PAN3: variants seen among roughly 807,000 people sequenced by gnomAD.
The protein encoded by PAN3 is poly(A) specific ribonuclease subunit PAN3, also known as PAN2-PAN3 deadenylation complex subunit PAN3.
In PAN3, 19 loss-of-function variants were observed where a neutral mutation model predicts 96.2. The ratio of observed to expected loss-of-function variants is 0.20; its 90% CI spans 0.14 to 0.29. The LOEUF (loss-of-function observed/expected upper bound fraction) is 0.29, where lower values mean the gene tolerates loss of function less well. PAN3 is among the 10% of genes least tolerant of loss of function. PAN3 has a pLI of 1.00. For missense variants in PAN3, 882 were observed against 1,108.1 expected (o/e 0.80, Z 2.90); for synonymous variants, 433 against 406.6 (o/e 1.06, Z -0.78).
At chr13:28,141,793 G>C (rs74331656) in intron 1 of PAN3, among the ~76,000 whole-genome samples, 3,871 of 152,170 alleles carry the variant, frequency 0.025, 149 homozygotes, top group African/African-American at 0.088. Flanking sequence ...ATAGGTAGAA[G>C]GGCTGAGACT....
At chr13:28,268,365 C>G (rs979763041) in intron 12 of PAN3, among the ~76,000 whole-genome samples, 1 of 151,938 alleles carries the variant, frequency 6.6e-6, no homozygotes, top group African/African-American at 2.4e-5. Context: ...TAAACAAATG[C>G]TTTTGTTTGA....
At chr13:28,229,683 A>T in intron 6 of PAN3, among the ~76,000 whole-genome samples, 1 of 152,306 alleles carries the variant, frequency 6.6e-6, no homozygotes. Context: ...TAATCTGGCA[A>T]GCTTACTTTG....
Position 28,197,512 on chromosome 13 carries a change from A to G in PAN3, c.852+166A>G, listed in dbSNP as rs141862414. ...AAGTTAGTGACCCTTAACCAACTAA[A>G]TGATTTTTTCTTGGTGGCTTTTTGA... On this transcript the variant is annotated intron_variant, in intron 5 of 18. Transcript: ENST00000380958. Among the ~76,000 whole-genome samples the G allele has an allele frequency of 3.2e-4, 48 of 152,222 alleles. No individual in the cohort carries two copies. The East Asian group carries it at 8.7e-3, about 28-fold the overall frequency.
At chr13:28,242,078 A>C (rs1221176915) in intron 6 of PAN3, among the ~76,000 whole-genome samples, 1 of 152,256 alleles carries the variant, frequency 6.6e-6, no homozygotes, top group Non-Finnish European at 1.5e-5. Flanking sequence ...ATACTAGAGT[A>C]ATGAGACTTT....
At chr13:28,205,648 G>C (rs1879253956) in intron 5 of PAN3, among the ~76,000 whole-genome samples, 1 of 151,958 alleles carries the variant, frequency 6.6e-6, no homozygotes. Flanking sequence ...AGACCAGCCT[G>C]GGCAACATAG....
intron 1 of PAN3, among the ~76,000 whole-genome samples, chr13:28,139,308 C>G (rs1225837664): frequency 2.2e-5 from 3 of 134,686 alleles, no homozygotes; most frequent in Non-Finnish European, 4.7e-5. Context: ...GGTTGGGTTC[C>G]CGGGAACGTG....
At chr13:28,196,175 G>T (rs1438424972) in intron 4 of PAN3, among the ~76,000 whole-genome samples, 1 of 151,740 alleles carries the variant, frequency 6.6e-6, no homozygotes, top group Non-Finnish European at 1.5e-5. Context: ...TTTTTTTGAA[G>T]AAACTTAATT....
Position 28,267,344 on chromosome 13 carries a change from A to T in PAN3, c.1735A>T (p.Met579Leu), listed in dbSNP as rs1286804012. 4 of 1,613,756 alleles carry T rather than the reference A, an allele frequency of 2.5e-6. No homozygotes were observed. Among genetic ancestry groups the T allele is most frequent in the Admixed American group, 1.7e-5 (1 of 59,980 alleles). Reference protein sequence around the residue: ...YDFHAGGETMMSRHFNDPNAD... With the variant: ...YDFHAGGETMLSRHFNDPNAD... ...TTTCCATGCTGGAGGAGAAACTATG[A>T]TGAGCAGACACTTTAATGACCCTAA... The change falls in exon 12 of 19, where the codon ATG (methionine) becomes TTG (leucine). Residue 579 changes from methionine (M) to leucine (L), a missense_variant. Physicochemically the swap from Met to Leu is conservative, Grantham distance 15. Coordinates refer to ENST00000380958, the MANE Select transcript of PAN3 (RefSeq NM_175854.8).
chr13:28,143,921 C>T (rs1442398480), intron 1 of PAN3, among the ~76,000 whole-genome samples: 2 of 152,140 alleles, frequency 1.3e-5, no homozygotes, highest in Non-Finnish European at 2.9e-5. Context: ...CTTTTCATCC[C>T]ACAAACCTAT....
rs1051028831 is a variant in PAN3, at chr13:28,261,404, C to A, written c.1357C>A (p.Leu453Met). The change falls in exon 9 of 19, where the codon CTG becomes ATG. Residue 453 changes from leucine to methionine, a missense_variant. By Grantham distance (15) the Leu-to-Met change is conservative. Transcript: ENST00000380958. Reference sequence around the variant, plus strand: ...ATATACTTATTTTGTTTCATAGGAGCTGATCAACAGACATTTAATAACAAT... The same window carrying A: ...ATATACTTATTTTGTTTCATAGGAGATGATCAACAGACATTTAATAACAAT... Reference protein sequence around the residue: ...FFMADELRQELINRHLITMAQ... With the variant: ...FFMADELRQEMINRHLITMAQ... 1.9e-6 allele frequency: 3 copies of A among 1,602,104 alleles called. No individual in the cohort carries two copies. The Admixed American group carries it at 5.0e-5, about 27-fold the overall frequency.
chr13:28,268,448 T>C (rs1886361412), intron 12 of PAN3, among the ~76,000 whole-genome samples: 2 of 152,198 alleles, frequency 1.3e-5, no homozygotes, highest in Admixed American at 1.3e-4. Context: ...AAACATGAAA[T>C]ATTTTCTTCT....
chr13:28,199,839 G>C (rs1326434423), intron 5 of PAN3, among the ~76,000 whole-genome samples: 2 of 151,892 alleles, frequency 1.3e-5, no homozygotes. Flanking sequence ...CATCTTTCCT[G>C]TTCCATTTGT....
chr13:28,224,186 C>T (rs893764061), intron 6 of PAN3, among the ~76,000 whole-genome samples: 5 of 152,036 alleles, frequency 3.3e-5, no homozygotes, highest in Non-Finnish European at 7.4e-5. Context: ...GTAATTTTAT[C>T]GTGAGAACTA....
intron 1 of PAN3, among the ~76,000 whole-genome samples, chr13:28,143,108 G>GTTTTT (rs1158617246): frequency 6.6e-6 from 1 of 151,384 alleles, no homozygotes; most frequent in African/African-American, 2.4e-5. Context: ...TTTTGTTTTT[G>GTTTTT]TTTTTGTTTT....
In PAN3 at chr13:28,256,479, A is replaced by G. The variant is rs983208464; in HGVS notation, c.1188A>G (p.Glu396=). Residue 396 remains glutamate, a synonymous_variant, in exon 7 of 19, where the codon GAA becomes GAG. Transcript: ENST00000380958. ...CTTCTGGTCAGGTGATCCAAAAGGA[A>G]ACTGTTGGTGGGACGACTTACTTCT... The part of the protein sequence containing the change: ...TPSSGQVIQK[E]TVGGTTYFYT... The G allele has an allele frequency of 6.2e-7, 1 of 1,613,776 alleles. No homozygotes were observed. Among genetic ancestry groups the G allele is most frequent in the African/African-American group, 1.3e-5 (1 of 74,912 alleles).
chr13:28,255,902 T>C (rs1885099998), intron 6 of PAN3, among the ~76,000 whole-genome samples: 1 of 152,198 alleles, frequency 6.6e-6, no homozygotes, highest in Admixed American at 6.5e-5. Flanking sequence ...AAAGGAATTA[T>C]GCCTTTTATA....
chr13:28,238,692 C>T (rs9551451), intron 6 of PAN3, among the ~76,000 whole-genome samples: 20,315 of 151,952 alleles, frequency 0.13, 1,613 homozygotes, highest in East Asian at 0.32. Flanking sequence ...GCTTGAGTAA[C>T]GTTTGTAAAC....
chr13:28,186,725 G>T (rs1876518190), intron 4 of PAN3, among the ~76,000 whole-genome samples: 2 of 152,196 alleles, frequency 1.3e-5, no homozygotes, highest in African/African-American at 4.8e-5. Flanking sequence ...AGCTACATGG[G>T]AGACTGAGGT....
intron 6 of PAN3, among the ~76,000 whole-genome samples, chr13:28,238,258 G>A (rs978300923): frequency 2.0e-5 from 3 of 152,158 alleles, no homozygotes; most frequent in African/African-American, 7.2e-5. Context: ...TGATATAAGC[G>A]ATTATTTTGT....
Sources: allele counts gnomAD v4.1 joint callset (sites outside exome capture counted in the v4.1 genomes callset), GRCh38; gene constraint gnomAD v4.1.1; transcripts MANE v1.5; gene names NCBI Gene and HGNC (gene_info 2026-07-23, HGNC 2026-07-21).